HNF4A: variants seen among roughly 807,000 people sequenced by gnomAD.
The protein encoded by HNF4A is hepatocyte nuclear factor 4-alpha.
HNF4A carries 15 observed loss-of-function variants against 52.4 expected under a neutral mutation model. The observed-to-expected ratio is 0.29, with a 90% CI of 0.19 to 0.44. HNF4A has a LOEUF of 0.44. HNF4A is among the 20% of genes least tolerant of loss of function. The pLI is 1.00. For missense variants in HNF4A, 479 were observed against 647.2 expected (o/e 0.74, Z 2.82); for synonymous variants, 280 against 264.4 (o/e 1.06, Z -0.57).
intron 1 of HNF4A, among the ~76,000 whole-genome samples, chr20:44,376,162 G>A (rs535627335): frequency 2.6e-5 from 4 of 152,320 alleles, no homozygotes; most frequent in Admixed American, 2.0e-4. Flanking sequence ...CTACTCAGGA[G>A]GCTGAGGCAG....
At chr20:44,402,333 C>A (rs1325986787) in intron 1 of HNF4A, among the ~76,000 whole-genome samples, 1 of 152,088 alleles carries the variant, frequency 6.6e-6, no homozygotes, top group East Asian at 1.9e-4. Context: ...GCATGCGGAC[C>A]TGTTGGAGTG....
At chr20:44,388,721 C>G (rs919523461) in intron 1 of HNF4A, among the ~76,000 whole-genome samples, 1 of 152,214 alleles carries the variant, frequency 6.6e-6, no homozygotes, top group African/African-American at 2.4e-5. Flanking sequence ...AAGCGCAAAG[C>G]GCAGCACTGC....
chr20:44,369,237 A>G (rs2063004900), intron 1 of HNF4A, among the ~76,000 whole-genome samples: 2 of 140,882 alleles, frequency 1.4e-5, no homozygotes, highest in African/African-American at 2.7e-5. Context: ...CAACAAGAGC[A>G]AAACTCCATC....
At chr20:44,358,074 T>C (rs531868051) in intron 1 of HNF4A, among the ~76,000 whole-genome samples, 4 of 148,800 alleles carry the variant, frequency 2.7e-5, no homozygotes, top group South Asian at 4.4e-4. Flanking sequence ...TGAAAGACCC[T>C]GATTTGATAT....
At chr20:44,378,162 T>C (rs1340740126) in intron 1 of HNF4A, among the ~76,000 whole-genome samples, 1 of 152,220 alleles carries the variant, frequency 6.6e-6, no homozygotes, top group Non-Finnish European at 1.5e-5. Flanking sequence ...TCCTACATTA[T>C]GAGTGTGCTT....
chr20:44,423,712 C>T (rs1327354979), intron 7 of HNF4A, among the ~76,000 whole-genome samples: 1 of 152,224 alleles, frequency 6.6e-6, no homozygotes, highest in African/African-American at 2.4e-5. Flanking sequence ...TGGGTTTCCC[C>T]GTGTGTAAGA....
intron 1 of HNF4A, among the ~76,000 whole-genome samples, chr20:44,358,379 G>T (rs1052865535): frequency 6.6e-6 from 1 of 152,142 alleles, no homozygotes; most frequent in Non-Finnish European, 1.5e-5. Context: ...GGAGGCTGAG[G>T]CGGGCAGATA....
intron 1 of HNF4A, among the ~76,000 whole-genome samples, chr20:44,385,899 G>A (rs138359675): frequency 0.017 from 2,551 of 151,936 alleles, 73 homozygotes; most frequent in African/African-American, 0.059. Flanking sequence ...TCGCTCTGGC[G>A]CCCAGGCTGG....
intron 1 of HNF4A, among the ~76,000 whole-genome samples, chr20:44,386,823 T>G (rs981507064): frequency 2.6e-5 from 4 of 152,238 alleles, no homozygotes; most frequent in African/African-American, 9.6e-5. Flanking sequence ...TTCTAAATGT[T>G]GGAGCACATA....
chr20:44,371,757 G>A (rs574212552), intron 1 of HNF4A, among the ~76,000 whole-genome samples: 2 of 152,214 alleles, frequency 1.3e-5, no homozygotes, highest in South Asian at 2.1e-4. Flanking sequence ...CCCAGGAGGT[G>A]GAGATTGCCG....
At chr20:44,378,373 T>C (rs1385855288) in intron 1 of HNF4A, among the ~76,000 whole-genome samples, 1 of 151,768 alleles carries the variant, frequency 6.6e-6, no homozygotes, top group African/African-American at 2.4e-5. Context: ...GTTCAAGTGA[T>C]TTTTCTGCCT....
Position 44,355,723 on chromosome 20 carries a change from G to C in HNF4A, c.-82G>C, listed in dbSNP as rs188520200. The stretch of plus-strand genomic sequence containing the variant: ...CGCACTCACCGCCTTCCTGGTGGAC[G>C]GGCTCCTGGTGGCTGTGCTGCTGCT... On this transcript the variant is annotated 5_prime_UTR_variant, in exon 1 of 10. Coordinates refer to the HNF4A transcript ENST00000316673. 1.2e-3 allele frequency: 1,545 copies of C among 1,266,144 alleles called. 36 individuals are homozygous for C. The East Asian group carries it at 0.026, about 21-fold the overall frequency. 78.4% of individuals were successfully genotyped at this position (1,266,144 alleles called of 1,614,324 possible).
intron 1 of HNF4A, among the ~76,000 whole-genome samples, chr20:44,379,635 T>C (rs1201599564): frequency 6.6e-6 from 1 of 152,080 alleles, no homozygotes; most frequent in East Asian, 1.9e-4. Flanking sequence ...CACTGCAAAC[T>C]TCTCCTCCAG....
upstream of HNF4A, among the ~76,000 whole-genome samples, chr20:44,397,073 T>C (rs752289244): frequency 1.3e-5 from 2 of 152,174 alleles, no homozygotes; most frequent in African/African-American, 4.8e-5. Flanking sequence ...GGAATATAAA[T>C]AGTCACTGGT....
At chr20:44,424,376 T>C (rs1251984529) in intron 8 of HNF4A, 122 bp downstream of exon 8, 5 of 1,501,968 alleles carry the variant, frequency 3.3e-6, no homozygotes, top group Non-Finnish European at 4.5e-6. Flanking sequence ...GGCAAGTTGC[T>C]TAACCTGTCT....
intron 3 of HNF4A, 65 bp downstream of exon 3, chr20:44,407,540 C>A: frequency 9.2e-7 from 1 of 1,087,160 alleles, no homozygotes; most frequent in South Asian, 1.3e-5. Flanking sequence ...CCCCGACAGT[C>A]ATTTACAACT....
Position 44,414,644 on chromosome 20 carries a change from G to A in HNF4A, c.630G>A (p.Glu210=), listed in dbSNP as rs2063636435. The A allele has an allele frequency of 6.2e-7, 1 of 1,609,416 alleles. No individual in the cohort carries two copies. Among genetic ancestry groups the A allele is most frequent in the Admixed American group, 1.7e-5 (1 of 58,950 alleles). ...CCAAGTACATCCCAGCTTTCTGCGA[G>A]CTCCCCCTGGACGACCAGGTGAGGA... is the stretch of plus-strand genomic sequence containing the variant. Residue 210 remains glutamate, a synonymous_variant, in exon 5 of 10, where the codon GAG becomes GAA. Transcript: ENST00000316099.
At chr20:44,414,452 A>G in intron 4 of HNF4A, 55 bp from the exon 5 acceptor site, 5 of 1,613,318 alleles carry the variant, frequency 3.1e-6, no homozygotes, top group Non-Finnish European at 1.7e-6. Flanking sequence ...CAGGGGACAG[A>G]GAGTGCGGGA....
intron 1 of HNF4A, among the ~76,000 whole-genome samples, chr20:44,356,157 G>A (rs2146129489): frequency 6.6e-6 from 1 of 152,318 alleles, no homozygotes; most frequent in East Asian, 1.9e-4. Context: ...ACCCCACAGA[G>A]GGTGGGGCTT....
Sources: gnomAD v4.1 joint callset for allele counts (sites outside exome capture counted in the v4.1 genomes callset) on GRCh38, gnomAD v4.1.1 for gene constraint, MANE v1.5 for transcripts, NCBI Gene and HGNC (gene_info 2026-07-23, HGNC 2026-07-21) for gene names.